IL10RB: variants seen among roughly 807,000 people sequenced by gnomAD.
IL10RB encodes interleukin 10 receptor subunit beta.
IL10RB carries 30 observed loss-of-function variants against 38.7 expected under a neutral mutation model. That is an observed-to-expected ratio of 0.78 (90% CI 0.58 to 1.05). The LOEUF is 1.05. Ranked by LOEUF, IL10RB falls within the 50% of genes least tolerant of loss-of-function variation. IL10RB has a pLI of 0.00. For missense variants in IL10RB, 328 were observed against 397.1 expected, an observed-to-expected ratio of 0.83 and a Z score of 1.48; for synonymous variants, 142 against 145.9, an observed-to-expected ratio of 0.97 and a Z score of 0.19.
chr21:33,293,377 G>A (rs1989526607), intron 6 of IL10RB, among the ~76,000 whole-genome samples: 1 of 152,214 alleles, frequency 6.6e-6, no homozygotes, highest in Admixed American at 6.5e-5. Context: ...TCAGCTGTGA[G>A]CCATTTCAGC....
chr21:33,300,645 C>T (rs2082983662), downstream of IL10RB, among the ~76,000 whole-genome samples: 1 of 152,198 alleles, frequency 6.6e-6, no homozygotes, highest in Non-Finnish European at 1.5e-5. Flanking sequence ...GTTTGTGCCT[C>T]TCCAAAATTC....
At chr21:33,270,663 C>CGGTG (rs768492170) in intron 2 of IL10RB, among the ~76,000 whole-genome samples, 44 of 150,934 alleles carry the variant, frequency 2.9e-4, no homozygotes, top group Admixed American at 5.3e-4. Flanking sequence ...CGTGAGCCAC[C>CGGTG]GCGCCCAGCC....
chr21:33,282,300 A>G (rs2123582860), intron 4 of IL10RB, among the ~76,000 whole-genome samples: 1 of 152,302 alleles, frequency 6.6e-6, no homozygotes, highest in East Asian at 1.9e-4. Context: ...TGAGAGGCCA[A>G]GGTGGGCAGA....
intron 5 of IL10RB, among the ~76,000 whole-genome samples, chr21:33,283,649 A>T (rs1989320208): frequency 6.6e-6 from 1 of 152,170 alleles, no homozygotes; most frequent in African/African-American, 2.4e-5. Flanking sequence ...CCGACATGTG[A>T]TGGGAAGCAA....
rs113246340 is a variant in IL10RB, at chr21:33,294,003, C to A, written c.805-2181C>A. 237 of 471,138 alleles carry A rather than the reference C, an allele frequency of 5.0e-4. 3 individuals are homozygous for A. Among genetic ancestry groups the A allele is most frequent in the African/African-American group, 4.1e-3 (206 of 50,188 alleles). 29.2% of individuals were successfully genotyped at this position (471,138 alleles called of 1,614,324 possible). A position where few individuals can be genotyped will look rare whatever the true frequency, so the allele number is the denominator to read the frequency against. ...CACCTGCTATTTTTGCTTCTGGCTT[C>A]ACCATCAGAGAAACTGGTCAGACAG... On this transcript the variant is annotated intron_variant, in intron 6 of 6. Transcript: ENST00000290200.
intron 1 of IL10RB, among the ~76,000 whole-genome samples, chr21:33,302,250 G>C (rs2843705): frequency 2.0e-5 from 3 of 152,236 alleles, no homozygotes; most frequent in African/African-American, 7.2e-5. Context: ...GACTTTCAGC[G>C]ATTCCCTGCT....
At chr21:33,309,189 A>C (rs147951157) in exon 2 of IL10RB, 1 of 152,336 alleles carries the variant, frequency 6.6e-6, no homozygotes, top group African/African-American at 2.4e-5. Context: ...GTACATAGAC[A>C]TGTAAGAAAG....
chr21:33,296,182 A>C lies in IL10RB; in HGVS notation c.805-2A>C, dbSNP rs750054227. The C allele has an allele frequency of 3.1e-6, 5 of 1,612,660 alleles. No homozygotes were observed. The South Asian group carries it at 5.5e-5, about 18-fold the overall frequency. ...CATTAACTGTCCTCTTTCCCTCCACAGTTTTTGGGCCATCCTCATCATAAC... is the reference window on the plus strand; with the variant it reads ...CATTAACTGTCCTCTTTCCCTCCACCGTTTTTGGGCCATCCTCATCATAAC... On this transcript the variant is annotated splice_acceptor_variant, in intron 6 of 6. Coordinates refer to ENST00000290200, the MANE Select transcript of IL10RB (RefSeq NM_000628.5). LOFTEE classifies it high-confidence loss of function.
intron 1 of IL10RB, among the ~76,000 whole-genome samples, chr21:33,302,929 C>T (rs1341530372): frequency 6.6e-6 from 1 of 152,222 alleles, no homozygotes; most frequent in African/African-American, 2.4e-5. Flanking sequence ...GAGGCTCCCT[C>T]TCCAGACCAG....
downstream of IL10RB, among the ~76,000 whole-genome samples, chr21:33,297,431 A>T (rs561843705): frequency 2.5e-3 from 286 of 114,862 alleles, 2 homozygotes; most frequent in African/African-American, 0.011. Context: ...ATCCGTTATT[A>T]AAAAAAAAAA....
At chr21:33,271,758 T>A (rs1258546590) in intron 2 of IL10RB, among the ~76,000 whole-genome samples, 2 of 151,682 alleles carry the variant, frequency 1.3e-5, no homozygotes, top group East Asian at 3.9e-4. Context: ...GAAAAAGATG[T>A]TATTGCAAAA....
chr21:33,290,989 C>T (rs960141102), intron 6 of IL10RB, among the ~76,000 whole-genome samples: 6 of 152,204 alleles, frequency 3.9e-5, no homozygotes, highest in African/African-American at 1.4e-4. Flanking sequence ...GAGGGAGGAT[C>T]TGTCCCAGGC....
At chr21:33,279,562 A>G (rs1413986209) in intron 3 of IL10RB, among the ~76,000 whole-genome samples, 190 bp from the exon 4 acceptor site, 2 of 152,256 alleles carry the variant, frequency 1.3e-5, no homozygotes, top group Non-Finnish European at 2.9e-5. Context: ...AGAAAGACAA[A>G]GATTATCAGA....
In IL10RB at chr21:33,296,973, A is replaced by G. The variant is rs886057009; in HGVS notation, c.*616A>G. 30 of 158,354 alleles carry G rather than the reference A, an allele frequency of 1.9e-4. No individual in the cohort carries two copies. The East Asian group carries it at 5.2e-3, about 28-fold the overall frequency. The allele number at this position is 158,354 out of a possible 1,614,324, so 9.8% of individuals were successfully genotyped here. On this transcript the variant is annotated 3_prime_UTR_variant, in exon 7 of 7. Transcript: ENST00000290200. ...CATCTCAAAAAAAAAAAAAAAAAAA[A>G]TTGTGAGAAACAGAAATACTTAAAA...
intron 4 of IL10RB, 119 bp from the exon 5 acceptor site, chr21:33,282,975 C>A (rs780571385): frequency 6.0e-6 from 5 of 828,364 alleles, no homozygotes; most frequent in Non-Finnish European, 1.0e-5. Context: ...GGAGCACCTG[C>A]TACCTGCTCC....
chr21:33,268,958 G>A lies in IL10RB; in HGVS notation c.173+441G>A, dbSNP rs150724621. On this transcript the variant is annotated intron_variant, in intron 2 of 6. Coordinates refer to ENST00000290200, the MANE Select transcript of IL10RB (RefSeq NM_000628.5). ...CCCAAGAAACTGAGATATGCAAAGC[G>A]GTCAGGAAGCCCCTTGCTACCATAT... Among the ~76,000 whole-genome samples, 104 of 152,206 alleles carry A rather than the reference G, an allele frequency of 6.8e-4. 1 individual carries two copies. In the East Asian group the frequency reaches 0.019, roughly 27 times the overall value.
chr21:33,277,520 C>A (rs185072482), intron 3 of IL10RB, among the ~76,000 whole-genome samples: 130 of 152,052 alleles, frequency 8.5e-4, no homozygotes, highest in Non-Finnish European at 1.5e-3. Flanking sequence ...AATTCACATA[C>A]AGCCCTTCAA....
rs1329427406 is a variant in IL10RB at position 33,283,206 on chromosome 21, G to A, written c.611G>A (p.Trp204Ter). Residue 204 changes from tryptophan (W) to a stop codon, truncating the protein, a stop_gained, in exon 5 of 7, where the codon TGG becomes TAG. Transcript: ENST00000290200. LOFTEE classifies it high-confidence loss of function. ...CCTGATCGGAACAAAGCTGGGGAAT[G>A]GAGTGAGCCTGTCTGTGAGCAAACA... ...FLPDRNKAGEWSEPVCEQTTH... is the reference protein window; with the variant it reads ...FLPDRNKAGE The A allele has an allele frequency of 1.4e-5, 23 of 1,613,990 alleles. No individual in the cohort carries two copies. The highest frequency in any genetic ancestry group is 1.9e-5 in the Non-Finnish European group (23 of 1,180,026).
chr21:33,277,109 C>G (rs1046034793), intron 3 of IL10RB, among the ~76,000 whole-genome samples: 1 of 151,948 alleles, frequency 6.6e-6, no homozygotes, highest in African/African-American at 2.4e-5. Flanking sequence ...AGAAACATAA[C>G]GTGATAGGCA....
Sources: allele counts gnomAD v4.1 joint callset (sites outside exome capture counted in the v4.1 genomes callset), GRCh38; gene constraint gnomAD v4.1.1; transcripts MANE v1.5; gene names NCBI Gene and HGNC (gene_info 2026-07-23, HGNC 2026-07-21).